NRXN1: variants seen among roughly 807,000 people sequenced by gnomAD.
NRXN1 encodes neurexin 1.
In NRXN1, 39 loss-of-function variants were observed where a neutral mutation model predicts 150.9. The observed-to-expected ratio is 0.26, with a 90% confidence interval of 0.20 to 0.34. NRXN1 has a LOEUF of 0.34. Among genes scored for constraint, NRXN1 ranks in the 10% least tolerant of loss-of-function variants. The pLI, the probability that NRXN1 is intolerant of heterozygous loss-of-function variation, is 1.00. For missense variants in NRXN1, 1,815 were observed against 1,949.9 expected, an observed-to-expected ratio of 0.93 and a Z score of 1.30; for synonymous variants, 924 against 757.0, an observed-to-expected ratio of 1.22 and a Z score of -3.62.
At chr2:50,038,404 A>G (rs1025859160) in intron 21 of NRXN1, among the ~76,000 whole-genome samples, 5 of 152,178 alleles carry the variant, frequency 3.3e-5, no homozygotes, top group African/African-American at 9.6e-5. Context: ...AGAAAAGTAA[A>G]TTGCCAGCTG....
rs145892829 is a variant in NRXN1, at chr2:50,821,218, G to A, written c.832+100651C>T. Among the ~76,000 whole-genome samples, 386 of 152,276 alleles carry A rather than the reference G, an allele frequency of 2.5e-3. 2 individuals are homozygous for A. The highest frequency in any genetic ancestry group is 8.0e-3 in the African/African-American group (332 of 41,566). ...ACCCACGGCCCACAGGCCCCATGCA[G>A]CCCAGGATGGTTTTGAATGCAGCCC... On this transcript the variant is annotated intron_variant, in intron 5 of 22. Transcript: ENST00000401669.
chr2:50,343,151 C>T (rs1411377037), intron 17 of NRXN1, among the ~76,000 whole-genome samples: 1 of 152,192 alleles, frequency 6.6e-6, no homozygotes, highest in Non-Finnish European at 1.5e-5. Context: ...ATTTCCAGAG[C>T]TCATATTTGT....
At chr2:50,297,454 T>C (rs531823713) in intron 17 of NRXN1, among the ~76,000 whole-genome samples, 2 of 152,194 alleles carry the variant, frequency 1.3e-5, no homozygotes, top group Admixed American at 6.5e-5. Context: ...CTAAAGCTCA[T>C]AAAGATTATA....
At chr2:50,807,374 G>A (rs1485808412) in intron 5 of NRXN1, among the ~76,000 whole-genome samples, 1 of 152,080 alleles carries the variant, frequency 6.6e-6, no homozygotes. Flanking sequence ...CCCCATTCAT[G>A]AGCTTCAAGT....
At chr2:50,359,645 A>C (rs2079053136) in intron 17 of NRXN1, among the ~76,000 whole-genome samples, 2 of 152,116 alleles carry the variant, frequency 1.3e-5, no homozygotes, top group Non-Finnish European at 2.9e-5. Context: ...GTCTACCTGA[A>C]AGTGAAGGGG....
At chr2:50,724,104 G>C (rs2105145593) in intron 5 of NRXN1, among the ~76,000 whole-genome samples, 1 of 152,242 alleles carries the variant, frequency 6.6e-6, no homozygotes, top group South Asian at 2.1e-4. Flanking sequence ...CCACAGTTGT[G>C]CTTAATCATA....
intron 19 of NRXN1, among the ~76,000 whole-genome samples, chr2:50,090,445 A>T (rs1297625821): frequency 2.0e-5 from 3 of 152,172 alleles, no homozygotes; most frequent in Non-Finnish European, 4.4e-5. Context: ...ACATAGTTAT[A>T]TCTAAAAGGG....
intron 17 of NRXN1, among the ~76,000 whole-genome samples, chr2:50,344,402 T>C (rs1413412874): frequency 1.1e-4 from 17 of 151,804 alleles, no homozygotes; most frequent in Non-Finnish European, 2.4e-4. Flanking sequence ...AAACAAAGAA[T>C]CAGAAGAGGA....
At position 50,062,539 on chromosome 2, in the gene NRXN1, G is replaced by C. The variant is rs543773833; in HGVS notation, c.3719-7495C>G. 2.6e-5 allele frequency among the ~76,000 whole-genome samples: 4 copies of C among 152,182 alleles called. 1 individual carries two copies. In the South Asian group the frequency reaches 8.3e-4, roughly 32 times the overall value. On this transcript the variant is annotated intron_variant, in intron 19 of 22. Transcript: ENST00000401669. ...TGTAACAATATTTGGTCACATTTTAGTCTATTTATTCTATATGAACAAGCA... is the reference window on the plus strand; with the variant it reads ...TGTAACAATATTTGGTCACATTTTACTCTATTTATTCTATATGAACAAGCA...
At chr2:50,840,469 G>C (rs1015628290) in intron 5 of NRXN1, among the ~76,000 whole-genome samples, 2 of 152,116 alleles carry the variant, frequency 1.3e-5, no homozygotes, top group Admixed American at 6.6e-5. Context: ...TAGAGGTCCA[G>C]ATGGTGCAGA....
At chr2:50,866,669 T>G (rs1000194739) in intron 5 of NRXN1, among the ~76,000 whole-genome samples, 1 of 151,912 alleles carries the variant, frequency 6.6e-6, no homozygotes, top group African/African-American at 2.4e-5. Flanking sequence ...TGTACTGACA[T>G]AGAGATAACA....
chr2:50,593,970 T>C (rs1184008503), intron 8 of NRXN1, among the ~76,000 whole-genome samples: 4 of 152,204 alleles, frequency 2.6e-5, no homozygotes, highest in African/African-American at 7.2e-5. Context: ...TGATACATTA[T>C]TTTGAAATTG....
At chr2:50,544,896 A>G (rs567843206) in intron 9 of NRXN1, among the ~76,000 whole-genome samples, 4 of 152,300 alleles carry the variant, frequency 2.6e-5, no homozygotes, top group South Asian at 4.1e-4. Context: ...TGTTCAAACT[A>G]AGGTATGTAT....
At chr2:50,249,828 G>T (rs1235099699) in intron 17 of NRXN1, among the ~76,000 whole-genome samples, 1 of 151,906 alleles carries the variant, frequency 6.6e-6, no homozygotes, top group Non-Finnish European at 1.5e-5. Flanking sequence ...AGTAGAGATG[G>T]GGTTTCACCA....
At chr2:50,234,048 C>T (rs10171107) in intron 18 of NRXN1, among the ~76,000 whole-genome samples, 57,587 of 151,678 alleles carry the variant, frequency 0.38, 11,240 homozygotes, top group Middle Eastern at 0.42. Flanking sequence ...TTCTTCTTGG[C>T]TTCCTGTCTG....
intron 21 of NRXN1, among the ~76,000 whole-genome samples, chr2:50,031,966 G>A (rs1689245543): frequency 6.6e-6 from 1 of 151,962 alleles, no homozygotes; most frequent in Admixed American, 6.6e-5. Flanking sequence ...AGACATGATT[G>A]CTCCCTACCC....
chr2:50,497,704 T>C lies in NRXN1; in HGVS notation c.2508A>G (p.Ala836=), dbSNP rs1573258584. 1.9e-6 allele frequency: 3 copies of C among 1,608,768 alleles called. No homozygotes were observed. The East Asian group carries it at 6.7e-5, about 36-fold the overall frequency. The change falls in exon 14 of 23, where the codon GCA becomes GCG. Residue 836 remains alanine, a synonymous_variant. Transcript: ENST00000401669. ...GGAACTCCAGCCTAGTATGATCACC[T>C]GCCATTTGACCTAAAAGAGAAGATA... ...DDQQAMTGQM[A]GDHTRLEFHN...
In NRXN1 at chr2:50,655,667, TG is replaced by T. The variant is rs537440201; in HGVS notation, c.833-32053del. Reference sequence around the variant, plus strand: ...TGTGTTGTTGTTTTTATTTTTCTTTTGGGGGGGGAGGGAAGAAAGAGGACAG... The same window carrying T: ...TGTGTTGTTGTTTTTATTTTTCTTTTGGGGGGGAGGGAAGAAAGAGGACAG... On this transcript the variant is annotated intron_variant, in intron 5 of 22. Coordinates refer to ENST00000401669, the MANE Select transcript of NRXN1 (RefSeq NM_001330078.2). 6.0e-5 allele frequency among the ~76,000 whole-genome samples: 9 copies of T among 149,776 alleles called. No homozygotes were observed. The East Asian group carries it at 9.8e-4, about 16-fold the overall frequency.
intron 21 of NRXN1, among the ~76,000 whole-genome samples, chr2:49,985,375 A>C (rs1680732855): frequency 6.6e-6 from 1 of 152,170 alleles, no homozygotes; most frequent in Non-Finnish European, 1.5e-5. Flanking sequence ...TGAAGACCAA[A>C]GACTTTGGCT....
Sources: allele counts gnomAD v4.1 joint callset (sites outside exome capture counted in the v4.1 genomes callset), GRCh38; gene constraint gnomAD v4.1.1; transcripts MANE v1.5; gene names NCBI Gene and HGNC (gene_info 2026-07-23, HGNC 2026-07-21).